ANKRD11: variants seen among roughly 807,000 people sequenced by gnomAD.
The protein encoded by ANKRD11 is ankyrin repeat domain 11, also known as ankyrin repeat domain-containing protein 11.
ANKRD11 carries 17 observed loss-of-function variants against 195.7 expected under a neutral mutation model. The observed-to-expected ratio is 0.09, with a 90% CI of 0.06 to 0.13. ANKRD11 has a LOEUF of 0.13. ANKRD11 is among the 10% of genes least tolerant of loss of function. ANKRD11 has a pLI of 1.00. For synonymous variants in ANKRD11, 1,953 were observed against 1,528.1 expected (o/e 1.28, Z -6.49); for missense variants, 3,735 against 3,566.1 (o/e 1.05, Z -1.21).
At chr16:89,270,949 G>C (rs2033097298) in intron 11 of ANKRD11, 40 bp from the exon 12 acceptor site, 11 of 1,603,180 alleles carry the variant, frequency 6.9e-6, no homozygotes, top group South Asian at 1.1e-5. Context: ...AGGAGCCCCA[G>C]AGACCGCTAC....
At chr16:89,366,786 G>A (rs2039968196) in intron 2 of ANKRD11, among the ~76,000 whole-genome samples, 1 of 152,186 alleles carries the variant, frequency 6.6e-6, no homozygotes, top group Admixed American at 6.5e-5. Context: ...CCCACTTCCG[G>A]GGGCACCCAG....
chr16:89,408,975 T>C lies in ANKRD11; in HGVS notation c.-60+9309A>G, dbSNP rs1016970901. Among the ~76,000 whole-genome samples the C allele has an allele frequency of 2.6e-5, 4 of 152,004 alleles. No homozygotes were observed. The East Asian group carries it at 7.8e-4, about 29-fold the overall frequency. ...GTGCGGTTTCTAAAAGTAGGAGGAA[T>C]ACAGAAAAGGCGGCCCCAACCCTGC... On this transcript the variant is annotated intron_variant, in intron 2 of 12. Transcript: ENST00000301030.
chr16:89,273,089 C>G (rs868828732), intron 11 of ANKRD11: 1 of 148,448 alleles, frequency 6.7e-6, no homozygotes, highest in African/African-American at 2.5e-5. Context: ...TACTATCTAT[C>G]TGACAGCACA....
rs1024596732 is a variant in ANKRD11 at position 89,469,958 on chromosome 16, C to T, written c.-145+20287G>A. On this transcript the variant is annotated intron_variant, in intron 1 of 12. Transcript: ENST00000301030. ...GCTCACTCTGTCGCTCAGGCTGGAG[C>T]GCAGTGGTGCGATCTCGGCTCATTG... 2.7e-5 allele frequency among the ~76,000 whole-genome samples: 4 copies of T among 150,920 alleles called. No homozygotes were observed. In the South Asian group the frequency reaches 6.3e-4, roughly 24 times the overall value.
chr16:89,358,816 TG>T (rs1381230434), intron 2 of ANKRD11, among the ~76,000 whole-genome samples: 1 of 151,972 alleles, frequency 6.6e-6, no homozygotes, highest in Non-Finnish European at 1.5e-5. Flanking sequence ...AGTTATAGTT[TG>T]TTTTTTGCCT....
chr16:89,272,624 C>G (rs1482088772), intron 11 of ANKRD11: 1 of 152,100 alleles, frequency 6.6e-6, no homozygotes, highest in Non-Finnish European at 1.5e-5. Context: ...GAGCTGAGAT[C>G]GTGCCACTGC....
At chr16:89,393,619 G>A (rs2041298839) in intron 2 of ANKRD11, among the ~76,000 whole-genome samples, 1 of 151,880 alleles carries the variant, frequency 6.6e-6, no homozygotes, top group Non-Finnish European at 1.5e-5. Flanking sequence ...TGGGATTACA[G>A]GAGGAAGCCA....
chr16:89,268,328 G>A lies in ANKRD11; in HGVS notation c.*150C>T. 2 of 453,604 alleles carry A rather than the reference G, an allele frequency of 4.4e-6. No homozygotes were observed. Among genetic ancestry groups the A allele is most frequent in the Non-Finnish European group, 7.7e-6 (2 of 260,646 alleles). 28.1% of individuals were successfully genotyped at this position (453,604 alleles called of 1,614,324 possible). A position where few individuals can be genotyped will look rare whatever the true frequency, so the allele number is the denominator to read the frequency against. On this transcript the variant is annotated 3_prime_UTR_variant, in exon 13 of 13. Transcript: ENST00000301030. ...CCCCGACGTCTGGACCAGTCTGGAA[G>A]GGATGGAGGCGCTGTGGCCAAGTGC...
Position 89,285,595 on chromosome 16 carries a change from C to T in ANKRD11, c.947G>A (p.Gly316Asp), listed in dbSNP as rs1477652568. ...PSFAPSSSVD[G>D]NNTDSEFEKG... is the part of the protein sequence containing the mutation. ...TTCGAACTCGGAGTCCGTGTTGTTGCCGTCGACTGAACTGGAAGGTGCGAA... is the reference window on the plus strand; with the variant it reads ...TTCGAACTCGGAGTCCGTGTTGTTGTCGTCGACTGAACTGGAAGGTGCGAA... The change falls in exon 9 of 13, where the codon GGC (glycine) becomes GAC (aspartate). Residue 316 changes from glycine (G) to aspartate (D), a missense_variant. Coordinates refer to ENST00000301030, the MANE Select transcript of ANKRD11 (RefSeq NM_013275.6). The surrounding 1 kb of genome is among the most constrained non-coding windows in gnomAD (Gnocchi z 5.6). The T allele has an allele frequency of 1.9e-6, 3 of 1,613,978 alleles. No individual in the cohort carries two copies. The highest frequency in any genetic ancestry group is 2.5e-6 in the Non-Finnish European group (3 of 1,180,012).
chr16:89,482,334 C>G (rs2057471015), intron 1 of ANKRD11, among the ~76,000 whole-genome samples: 1 of 152,068 alleles, frequency 6.6e-6, no homozygotes, highest in Non-Finnish European at 1.5e-5. Context: ...GTCACAAAGA[C>G]ATAAAAAAAG....
intron 2 of ANKRD11, among the ~76,000 whole-genome samples, chr16:89,405,675 T>C (rs1196107015): frequency 6.6e-6 from 1 of 152,062 alleles, no homozygotes; most frequent in East Asian, 1.9e-4. Flanking sequence ...CTGCTGCAGA[T>C]AAGGCATGTT....
chr16:89,384,280 C>A (rs1198234315), intron 2 of ANKRD11, among the ~76,000 whole-genome samples: 4 of 152,160 alleles, frequency 2.6e-5, no homozygotes, highest in African/African-American at 9.7e-5. Flanking sequence ...CCTGTAATCC[C>A]AGCACTTTGG....
At chr16:89,406,364 G>A (rs546376670) in intron 2 of ANKRD11, among the ~76,000 whole-genome samples, 2 of 152,176 alleles carry the variant, frequency 1.3e-5, no homozygotes, top group East Asian at 1.9e-4. Flanking sequence ...CCTGGGCCTC[G>A]GCCACACTCC....
At position 89,280,703 on chromosome 16, in the gene ANKRD11, G is replaced by A. The variant is rs757293729; in HGVS notation, c.5839C>T (p.Pro1947Ser). Residue 1947 changes from proline (P) to serine (S), a missense_variant, in exon 9 of 13, where the codon CCC (proline) becomes TCC (serine). Physicochemically the swap from Pro to Ser is moderately conservative, Grantham distance 74 (BLOSUM62 -1). Transcript: ENST00000301030. ...TCGGAGGGGTGGGCCCACTCAACGG[G>A]CTCCTCGGTGATGACGGCGCTGAAG... ...GPFSAVITEEPVEWAHPSEQA... is the reference protein window; with the variant it reads ...GPFSAVITEESVEWAHPSEQA... The A allele has an allele frequency of 2.5e-6, 4 of 1,613,414 alleles. No homozygotes were observed. In the Admixed American group the frequency reaches 6.7e-5, roughly 27 times the overall value.
At position 89,281,896 on chromosome 16, in the gene ANKRD11, C is replaced by G. The variant is rs959720692; in HGVS notation, c.4646G>C (p.Ser1549Thr). ...EKEKGDPVKM[S>T]NGNDKVAPSK... ...TGGCGCTACCTTATCATTCCCGTTG[C>G]TCATCTTCACTGGGTCGCCCTTTTC... is the stretch of plus-strand genomic sequence containing the variant. The change falls in exon 9 of 13, where the codon AGC becomes ACC. Residue 1549 changes from serine (S) to threonine (T), a missense_variant. Ser to Thr is a moderately conservative substitution (Grantham distance 58). Transcript: ENST00000301030. The surrounding 1 kb of genome is among the most constrained non-coding windows in gnomAD (Gnocchi z 5.5). 2.5e-6 allele frequency: 4 copies of G among 1,613,718 alleles called. No homozygotes were observed. Among genetic ancestry groups the G allele is most frequent in the Non-Finnish European group, 3.4e-6 (4 of 1,180,032 alleles).
At chr16:89,421,967 C>G (rs575880916) in intron 1 of ANKRD11, among the ~76,000 whole-genome samples, 24 of 152,162 alleles carry the variant, frequency 1.6e-4, no homozygotes, top group Admixed American at 1.2e-3. Context: ...GTCGGCTACA[C>G]GCATTCTGTG....
chr16:89,345,323 C>A (rs2038889599), intron 2 of ANKRD11, among the ~76,000 whole-genome samples: 1 of 150,310 alleles, frequency 6.7e-6, no homozygotes, highest in East Asian at 2.0e-4. Context: ...CTCGACCCCA[C>A]AGAGCTCAGT....
chr16:89,318,378 G>A (rs894144287), intron 2 of ANKRD11, among the ~76,000 whole-genome samples: 1 of 152,142 alleles, frequency 6.6e-6, no homozygotes, highest in Non-Finnish European at 1.5e-5. Context: ...TCATGTCCTC[G>A]CCGCACCGTC....
intron 2 of ANKRD11, among the ~76,000 whole-genome samples, chr16:89,404,645 T>C (rs951158919): frequency 3.9e-5 from 6 of 152,228 alleles, no homozygotes; most frequent in Non-Finnish European, 7.3e-5. Context: ...GTCACTACTA[T>C]GGATCCTGAG....
Sources: allele counts gnomAD v4.1 joint callset (sites outside exome capture counted in the v4.1 genomes callset), GRCh38; gene constraint gnomAD v4.1.1; non-coding constraint Gnocchi (gnomAD v3.1); transcripts MANE v1.5; gene names NCBI Gene and HGNC (gene_info 2026-07-23, HGNC 2026-07-21).